CACNA2D3: variants seen among roughly 807,000 people sequenced by gnomAD.
The protein encoded by CACNA2D3 is calcium voltage-gated channel auxiliary subunit alpha2delta 3.
Under a neutral mutation model 160.6 loss-of-function variants are expected in CACNA2D3, and 60 were observed. The observed-to-expected ratio is 0.37, with a 90% CI of 0.30 to 0.46. The LOEUF is 0.46. CACNA2D3 is among the 20% of genes least tolerant of loss of function. The pLI, the probability that CACNA2D3 is intolerant of heterozygous loss-of-function variation, is 1.00. For missense variants in CACNA2D3, 1,205 were observed against 1,365.0 expected, an observed-to-expected ratio of 0.88 and a Z score of 1.85; for synonymous variants, 558 against 492.9, an observed-to-expected ratio of 1.13 and a Z score of -1.75.
At chr3:54,801,027 C>G (rs891804796) in intron 13 of CACNA2D3, among the ~76,000 whole-genome samples, 2 of 150,950 alleles carry the variant, frequency 1.3e-5, no homozygotes, top group African/African-American at 2.4e-5. Flanking sequence ...TACTCTGTCA[C>G]CCAGGCTGGA....
chr3:54,184,362 C>T (rs1297221166), intron 2 of CACNA2D3, among the ~76,000 whole-genome samples: 2 of 152,222 alleles, frequency 1.3e-5, no homozygotes, highest in African/African-American at 2.4e-5. Flanking sequence ...TTACTCTGTG[C>T]TAAGGCCTTA....
intron 4 of CACNA2D3, among the ~76,000 whole-genome samples, chr3:54,410,470 A>G (rs770328784): frequency 7.2e-5 from 11 of 152,210 alleles, no homozygotes; most frequent in African/African-American, 9.6e-5. Context: ...GTTGAAGCCA[A>G]TGCTTACTTA....
chr3:54,208,219 C>T (rs1701306286), intron 2 of CACNA2D3, among the ~76,000 whole-genome samples: 1 of 152,132 alleles, frequency 6.6e-6, no homozygotes, highest in Non-Finnish European at 1.5e-5. Context: ...GATTCTCCTG[C>T]CTTAACCTCC....
chr3:54,574,556 A>G (rs949858691), intron 8 of CACNA2D3, among the ~76,000 whole-genome samples: 1 of 152,370 alleles, frequency 6.6e-6, no homozygotes, highest in African/African-American at 2.4e-5. Context: ...AATAGTTGAA[A>G]TATGAGAGTA....
At chr3:54,349,317 C>T (rs780751347) in intron 3 of CACNA2D3, among the ~76,000 whole-genome samples, 6 of 152,148 alleles carry the variant, frequency 3.9e-5, no homozygotes, top group African/African-American at 9.7e-5. Flanking sequence ...CTGGCCTGGC[C>T]TCCTGCAACC....
intron 4 of CACNA2D3, among the ~76,000 whole-genome samples, chr3:54,388,337 G>A (rs980480357): frequency 2.0e-5 from 3 of 152,224 alleles, no homozygotes; most frequent in Admixed American, 6.5e-5. Context: ...AGTACTCACC[G>A]TTGGCTGAAT....
At chr3:54,192,671 G>GGTGT (rs147191768) in intron 2 of CACNA2D3, among the ~76,000 whole-genome samples, 11,085 of 149,640 alleles carry the variant, frequency 0.074, 433 homozygotes, top group Non-Finnish European at 0.082. Context: ...CCATATGTGA[G>GGTGT]GTGTGTGTGT....
intron 31 of CACNA2D3, among the ~76,000 whole-genome samples, chr3:55,003,453 G>C (rs891146033): frequency 6.6e-6 from 1 of 152,070 alleles, no homozygotes; most frequent in Non-Finnish European, 1.5e-5. Flanking sequence ...AAAATGAACT[G>C]ACAAAGGGCA....
intron 2 of CACNA2D3, among the ~76,000 whole-genome samples, chr3:54,298,443 G>A (rs1350753820): frequency 1.3e-5 from 2 of 152,204 alleles, no homozygotes; most frequent in African/African-American, 2.4e-5. Flanking sequence ...ACCGACAGAC[G>A]AGAGTTATTA....
intron 27 of CACNA2D3, chr3:54,924,476 A>G: frequency 7.5e-6 from 5 of 668,402 alleles, no homozygotes; most frequent in Non-Finnish European, 1.3e-5. Context: ...CTCTTTTGCC[A>G]TACCGTGAAA....
chr3:54,294,410 T>C (rs1703290828), intron 2 of CACNA2D3, among the ~76,000 whole-genome samples: 4 of 152,118 alleles, frequency 2.6e-5, no homozygotes, highest in Admixed American at 2.6e-4. Flanking sequence ...CCTCATGAGC[T>C]ATCCTCCTGC....
chr3:54,508,415 G>C (rs1344535032), intron 5 of CACNA2D3, among the ~76,000 whole-genome samples: 1 of 152,218 alleles, frequency 6.6e-6, no homozygotes, highest in Non-Finnish European at 1.5e-5. Flanking sequence ...GATGGATAAG[G>C]TGAGAGCCCT....
chr3:54,367,282 T>G (rs769317442), intron 3 of CACNA2D3, among the ~76,000 whole-genome samples: 1 of 152,190 alleles, frequency 6.6e-6, no homozygotes, highest in Non-Finnish European at 1.5e-5. Context: ...GGAAGACTTT[T>G]CAGTTAAATT....
intron 9 of CACNA2D3, among the ~76,000 whole-genome samples, chr3:54,604,385 C>T (rs1420006142): frequency 6.6e-6 from 1 of 152,182 alleles, no homozygotes; most frequent in African/African-American, 2.4e-5. Context: ...ACTGCCAACC[C>T]TGATCTCAGC....
intron 5 of CACNA2D3, among the ~76,000 whole-genome samples, chr3:54,522,929 T>TTACTTAC (rs1559503829): frequency 0.044 from 4,612 of 104,574 alleles, 110 homozygotes; most frequent in East Asian, 0.1. Context: ...TATTTATTTA[T>TTACTTAC]TTATTTACTT....
At position 54,738,761 on chromosome 3, in the gene CACNA2D3, T is replaced by G. The variant is rs1041005056; in HGVS notation, c.1168-13838T>G. 5.9e-5 allele frequency among the ~76,000 whole-genome samples: 9 copies of G among 152,246 alleles called. No homozygotes were observed. The East Asian group carries it at 1.7e-3, about 29-fold the overall frequency. On this transcript the variant is annotated intron_variant, in intron 11 of 37. Coordinates refer to ENST00000474759, the MANE Select transcript of CACNA2D3 (RefSeq NM_018398.3). Reference sequence around the variant, plus strand: ...GACAAGAATGATCTATGATCCCATATGATCCTACCTTCTTCAGCCCTTATC... The same window carrying G: ...GACAAGAATGATCTATGATCCCATAGGATCCTACCTTCTTCAGCCCTTATC...
chr3:54,872,304 G>A (rs1047834658), intron 18 of CACNA2D3, among the ~76,000 whole-genome samples: 3 of 152,076 alleles, frequency 2.0e-5, no homozygotes, highest in African/African-American at 2.4e-5. Flanking sequence ...TCTTAGACAC[G>A]GCTGCCTTTG....
chr3:54,929,484 A>C (rs970572518), intron 27 of CACNA2D3, among the ~76,000 whole-genome samples: 5 of 152,102 alleles, frequency 3.3e-5, no homozygotes, highest in African/African-American at 1.2e-4. Flanking sequence ...GAAAACATCA[A>C]ATTTTGATTA....
At chr3:54,548,545 C>G (rs1702102620) in intron 5 of CACNA2D3, among the ~76,000 whole-genome samples, 1 of 152,168 alleles carries the variant, frequency 6.6e-6, no homozygotes, top group African/African-American at 2.4e-5. Context: ...GGGGCAGATG[C>G]TCCCATTACC....
Sources: gnomAD v4.1 joint callset for allele counts (sites outside exome capture counted in the v4.1 genomes callset) on GRCh38, gnomAD v4.1.1 for gene constraint, MANE v1.5 for transcripts, NCBI Gene and HGNC (gene_info 2026-07-23, HGNC 2026-07-21) for gene names.